Variants in AP3S2 observed in about 807,000 individuals in gnomAD.
AP3S2 encodes AP-3 complex subunit sigma-2.
Under a neutral mutation model 23.4 loss-of-function variants are expected in AP3S2, and 22 were observed. The ratio of observed to expected loss-of-function variants is 0.94; its 90% CI spans 0.67 to 1.34. The LOEUF (loss-of-function observed/expected upper bound fraction) is 1.34. AP3S2 is among the 40% of genes most tolerant of loss of function. The pLI, the probability that AP3S2 is intolerant of heterozygous loss-of-function variation, is 0.00. For synonymous variants in AP3S2, 86 were observed against 87.1 expected (o/e 0.99, Z 0.07); for missense variants, 241 against 236.9 (o/e 1.02, Z -0.11).
At chr15:89,884,625 C>T (rs1008719427) in intron 3 of AP3S2, among the ~76,000 whole-genome samples, 4 of 151,012 alleles carry the variant, frequency 2.6e-5, no homozygotes, top group South Asian at 4.2e-4. Flanking sequence ...AGTACTAATA[C>T]GCAATATTTG....
intron 4 of AP3S2, among the ~76,000 whole-genome samples, chr15:89,842,198 T>C (rs1439612991): frequency 7.7e-6 from 1 of 130,524 alleles, no homozygotes; most frequent in East Asian, 2.2e-4. Context: ...AGGAGAGAAA[T>C]GGAAAAAAAA....
At chr15:89,849,427 C>T (rs183204909) in intron 4 of AP3S2, among the ~76,000 whole-genome samples, 6 of 151,922 alleles carry the variant, frequency 3.9e-5, no homozygotes, top group African/African-American at 1.2e-4. Flanking sequence ...AGTGCAGTGG[C>T]ACGATCTAGG....
intron 4 of AP3S2, among the ~76,000 whole-genome samples, chr15:89,867,930 C>A (rs1190657067): frequency 7.0e-6 from 1 of 142,658 alleles, no homozygotes; most frequent in Non-Finnish European, 1.6e-5. Flanking sequence ...TGGGGGGGGT[C>A]AGCCCCCCAC....
At position 89,836,168 on chromosome 15, in the gene AP3S2, G is replaced by A. The variant is rs1163515462; in HGVS notation, c.454-525C>T. ...CAATCTTGAGGTTAGATGGGGTTTG[G>A]CACAGGGATCCAAAGCCTGCAGTCC... On this transcript the variant is annotated intron_variant, in intron 5 of 5. Transcript: ENST00000336418. Among the ~76,000 whole-genome samples the A allele has an allele frequency of 2.6e-5, 4 of 152,280 alleles. No homozygotes were observed. The East Asian group carries it at 7.7e-4, about 29-fold the overall frequency.
intron 3 of AP3S2, among the ~76,000 whole-genome samples, chr15:89,884,595 T>C (rs2141897750): frequency 6.6e-6 from 1 of 152,026 alleles, no homozygotes; most frequent in South Asian, 2.1e-4. Context: ...AAGATTTTAC[T>C]TAGTAAGTAA....
In AP3S2 at chr15:89,857,417, GAC is replaced by G. The variant is rs1895868549; in HGVS notation, c.345+14056_345+14057del. Among the ~76,000 whole-genome samples, 7 of 151,698 alleles carry G rather than the reference GAC, an allele frequency of 4.6e-5. 1 individual carries two copies. Among genetic ancestry groups the G allele is most frequent in the African/African-American group, 1.7e-4 (7 of 41,312 alleles). The stretch of plus-strand genomic sequence containing the variant: ...CAGAGAAAAGACAAAAACACTCTCA[GAC>G]ATCAGTACTTCATCAAGGTCAGAGA... On this transcript the variant is annotated intron_variant, in intron 4 of 5. Coordinates refer to ENST00000336418, the MANE Select transcript of AP3S2 (RefSeq NM_005829.5).
rs113150467 is a variant in AP3S2 at position 89,867,129 on chromosome 15, T to A, written c.345+4346A>T. Among the ~76,000 whole-genome samples, 569 of 146,702 alleles carry A rather than the reference T, an allele frequency of 3.9e-3. 3 individuals carry two copies. The highest frequency in any genetic ancestry group is 0.01 in the Middle Eastern group (3 of 288). ...GCTCACTGCAACCTCCCTGCCTGATTCTCCTGCCTCAGCCTGCCGAGTGCC... is the reference window on the plus strand; with the variant it reads ...GCTCACTGCAACCTCCCTGCCTGATACTCCTGCCTCAGCCTGCCGAGTGCC... On this transcript the variant is annotated intron_variant, in intron 4 of 5. Transcript: ENST00000336418.
intron 3 of AP3S2, chr15:89,884,003 A>G (rs1896634836): frequency 6.5e-6 from 1 of 153,516 alleles, no homozygotes; most frequent in South Asian, 2.0e-4. Context: ...AAATCTGAAA[A>G]AGTCCAAAAT....
At chr15:89,868,340 T>C (rs1481785240) in intron 4 of AP3S2, among the ~76,000 whole-genome samples, 2 of 87,768 alleles carry the variant, frequency 2.3e-5, no homozygotes, top group African/African-American at 9.0e-5. Context: ...GGGAGGGAGG[T>C]GGAGGGGTCA....
intron 4 of AP3S2, among the ~76,000 whole-genome samples, chr15:89,851,872 C>T (rs180899814): frequency 1.7e-3 from 257 of 151,850 alleles, no homozygotes; most frequent in Admixed American, 4.7e-3. Context: ...CCTTTGGCTA[C>T]TACCTGTTTG....
At chr15:89,861,971 G>A (rs1356550417) in intron 4 of AP3S2, among the ~76,000 whole-genome samples, 2 of 152,124 alleles carry the variant, frequency 1.3e-5, no homozygotes, top group Non-Finnish European at 2.9e-5. Context: ...GTTGAGGCAG[G>A]AACTACAAAA....
chr15:89,869,711 C>G (rs997269962), intron 4 of AP3S2, among the ~76,000 whole-genome samples: 5 of 151,884 alleles, frequency 3.3e-5, no homozygotes, highest in Non-Finnish European at 5.9e-5. Flanking sequence ...ACTTTGCACA[C>G]TAGGTGGTAA....
Position 89,834,757 on chromosome 15 carries a change from G to C in AP3S2, c.*758C>G, listed in dbSNP as rs1335448507. On this transcript the variant is annotated 3_prime_UTR_variant, in exon 6 of 6. Coordinates refer to ENST00000336418, the MANE Select transcript of AP3S2 (RefSeq NM_005829.5). ...TCTACTAAACATACAACAATTAGCT[G>C]GGCATGGTGGTGGGTGCCTGTAATC... is the stretch of plus-strand genomic sequence containing the variant. The C allele has an allele frequency of 4.6e-5, 7 of 152,122 alleles. No individual in the cohort carries two copies. Among genetic ancestry groups the C allele is most frequent in the Non-Finnish European group, 1.0e-4 (7 of 68,050 alleles). The allele number at this position is 152,122 out of a possible 1,614,324, so 9.4% of individuals were successfully genotyped here. A position where few individuals can be genotyped will look rare whatever the true frequency, so the allele number is the denominator to read the frequency against.
intron 4 of AP3S2, among the ~76,000 whole-genome samples, chr15:89,855,002 G>A (rs1197170341): frequency 1.9e-5 from 2 of 103,784 alleles, no homozygotes; most frequent in African/African-American, 3.6e-5. Flanking sequence ...CCCTCTGCCC[G>A]GCCACCACCC....
intron 4 of AP3S2, among the ~76,000 whole-genome samples, chr15:89,867,891 C>G (rs1156662723): frequency 7.6e-6 from 1 of 131,150 alleles, no homozygotes; most frequent in African/African-American, 2.6e-5. Context: ...AGCGGCTCCG[C>G]CCGGCAGCCA....
chr15:89,869,080 C>T (rs1261502233), intron 4 of AP3S2, among the ~76,000 whole-genome samples: 1 of 152,116 alleles, frequency 6.6e-6, no homozygotes, highest in East Asian at 1.9e-4. Flanking sequence ...TGCCCAACAG[C>T]TCATTGAGAA....
chr15:89,851,391 T>G (rs1187882931), intron 4 of AP3S2, among the ~76,000 whole-genome samples: 3 of 151,962 alleles, frequency 2.0e-5, no homozygotes, highest in African/African-American at 7.3e-5. Context: ...CAGGCTGGAG[T>G]GCAGTGGTGC....
At chr15:89,852,872 C>G (rs780497148) in intron 4 of AP3S2, among the ~76,000 whole-genome samples, 3 of 152,112 alleles carry the variant, frequency 2.0e-5, no homozygotes, top group Non-Finnish European at 4.4e-5. Flanking sequence ...TCCCTAAACA[C>G]AAGTTACAAA....
intron 3 of AP3S2, among the ~76,000 whole-genome samples, chr15:89,875,513 G>T (rs976706062): frequency 6.6e-6 from 1 of 152,224 alleles, no homozygotes. Flanking sequence ...AGACATTGCA[G>T]ACTCAGGTAG....
Sources: allele counts gnomAD v4.1 joint callset (sites outside exome capture counted in the v4.1 genomes callset), GRCh38; gene constraint gnomAD v4.1.1; transcripts MANE v1.5; gene names NCBI Gene and HGNC (gene_info 2026-07-23, HGNC 2026-07-21).